The following TMEM26 variants were observed in gnomAD, a reference collection of about 807,000 sequenced individuals.
TMEM26 encodes the protein transmembrane protein 26.
Under a neutral mutation model 28.8 loss-of-function variants are expected in TMEM26, and 38 were observed. That is an observed-to-expected ratio of 1.32 (90% CI 1.02 to 1.73). TMEM26 has a LOEUF of 1.73. Ranked by LOEUF, TMEM26 falls within the 40% of genes most tolerant of loss-of-function variation. TMEM26 has a pLI of 0.00. For synonymous variants in TMEM26, 227 were observed against 182.9 expected (o/e 1.24, Z -1.95); for missense variants, 518 against 447.1 (o/e 1.16, Z -1.43).
At chr10:61,415,630 G>A (rs1246005652) in intron 4 of TMEM26, among the ~76,000 whole-genome samples, 1 of 152,014 alleles carries the variant, frequency 6.6e-6, no homozygotes, top group African/African-American at 2.4e-5. Flanking sequence ...GTTGAGAGCA[G>A]AAATCAAAAC....
chr10:61,436,113 A>C, intron 2 of TMEM26, 57 bp downstream of exon 2: 1 of 1,104,738 alleles, frequency 9.1e-7, no homozygotes, highest in Non-Finnish European at 1.4e-6. Flanking sequence ...ACTGGATCAT[A>C]CTGTGAAAGT....
At chr10:61,428,777 G>T in intron 4 of TMEM26, 149 bp downstream of exon 4, 1 of 672,548 alleles carries the variant, frequency 1.5e-6, no homozygotes, top group Non-Finnish European at 2.5e-6. Flanking sequence ...TTTCTAATAC[G>T]TAAACAGCAG....
rs1301625705 is a variant in TMEM26, at chr10:61,410,286, G to A, written c.*36C>T. On this transcript the variant is annotated 3_prime_UTR_variant, in exon 6 of 6. Transcript: ENST00000399298. ...TCCTCCCTGTAAGAAGAACCAGGGA[G>A]TCAGGTTCTAGCCGCAGACCACTGT... 6.4e-7 allele frequency: 1 copy of A among 1,559,728 alleles called. No individual in the cohort carries two copies. The highest frequency in any genetic ancestry group is 8.7e-7 in the Non-Finnish European group (1 of 1,151,212).
At chr10:61,429,514 C>T (rs1839887601) in intron 3 of TMEM26, among the ~76,000 whole-genome samples, 1 of 151,556 alleles carries the variant, frequency 6.6e-6, no homozygotes, top group South Asian at 2.1e-4. Flanking sequence ...ATTAATATCA[C>T]AAAAACTTCC....
chr10:61,436,809 C>T (rs970131674), intron 1 of TMEM26, among the ~76,000 whole-genome samples: 21 of 152,142 alleles, frequency 1.4e-4, no homozygotes, highest in East Asian at 9.6e-4. Flanking sequence ...CAACAACCAA[C>T]GGTGTAAGCC....
intron 1 of TMEM26, among the ~76,000 whole-genome samples, chr10:61,445,686 A>G (rs12572972): frequency 8.0e-6 from 1 of 125,376 alleles, no homozygotes; most frequent in African/African-American, 4.4e-5. Context: ...ATTTTTTTTT[A>G]AAAAAAAGGA....
intron 5 of TMEM26, 120 bp downstream of exon 5, chr10:61,413,339 C>G: frequency 6.9e-7 from 1 of 1,457,520 alleles, no homozygotes; most frequent in Non-Finnish European, 9.1e-7. Flanking sequence ...CTAAGCTGAA[C>G]TAGAACTAAT....
chr10:61,448,425 G>A (rs117467746), intron 1 of TMEM26, among the ~76,000 whole-genome samples: 159 of 152,258 alleles, frequency 1.0e-3, no homozygotes, highest in Non-Finnish European at 2.0e-3. Flanking sequence ...ATCTAAAAAC[G>A]GGAGAAAACA....
At chr10:61,415,506 A>G (rs1839637196) in intron 4 of TMEM26, among the ~76,000 whole-genome samples, 1 of 152,052 alleles carries the variant, frequency 6.6e-6, no homozygotes, top group Non-Finnish European at 1.5e-5. Flanking sequence ...TAACTCTATG[A>G]TCACACTTAA....
At chr10:61,433,640 C>A (rs1344171288) in intron 2 of TMEM26, among the ~76,000 whole-genome samples, 5 of 152,212 alleles carry the variant, frequency 3.3e-5, no homozygotes, top group Middle Eastern at 3.4e-3. Context: ...AATTAGTTAT[C>A]TAGGAGAAAT....
intron 4 of TMEM26, among the ~76,000 whole-genome samples, chr10:61,422,005 G>T (rs1326364661): frequency 6.6e-6 from 1 of 151,942 alleles, no homozygotes; most frequent in African/African-American, 2.4e-5. Context: ...TAAGAAAGCT[G>T]GAGTGCCTAT....
chr10:61,444,769 G>A (rs1029558340), intron 1 of TMEM26, among the ~76,000 whole-genome samples: 4 of 151,500 alleles, frequency 2.6e-5, no homozygotes, highest in Non-Finnish European at 5.9e-5. Flanking sequence ...TAACAAATAA[G>A]TTGATGGAGT....
chr10:61,419,844 T>G (rs1177834114), intron 4 of TMEM26, among the ~76,000 whole-genome samples: 2 of 151,788 alleles, frequency 1.3e-5, no homozygotes, highest in South Asian at 4.2e-4. Context: ...AGCCCTAGAA[T>G]AAGTAAAAGC....
At chr10:61,427,506 A>G (rs1349615586) in intron 4 of TMEM26, among the ~76,000 whole-genome samples, 1 of 152,076 alleles carries the variant, frequency 6.6e-6, no homozygotes, top group Non-Finnish European at 1.5e-5. Context: ...TTTGCTGGGC[A>G]ATTCTACTTT....
intron 3 of TMEM26, 68 bp downstream of exon 3, chr10:61,431,151 G>A (rs1415611307): frequency 8.0e-7 from 1 of 1,246,096 alleles, no homozygotes; most frequent in Non-Finnish European, 1.2e-6. Flanking sequence ...ATGTATAGCA[G>A]GTAATTGAGG....
intron 1 of TMEM26, among the ~76,000 whole-genome samples, chr10:61,446,615 T>C (rs761048373): frequency 3.3e-5 from 5 of 151,128 alleles, no homozygotes; most frequent in African/African-American, 4.9e-5. Flanking sequence ...GGTCAGGAGA[T>C]TGAGACCATC....
In TMEM26 at chr10:61,436,093, C is replaced by G. The variant is rs993299190; in HGVS notation, c.270+77G>C. The G allele has an allele frequency of 8.6e-6, 8 of 926,514 alleles. 1 individual carries two copies. In the South Asian group the frequency reaches 1.4e-4, roughly 16 times the overall value. 57.4% of individuals were successfully genotyped at this position (926,514 alleles called of 1,614,324 possible). A position where few individuals can be genotyped will look rare whatever the true frequency, so the allele number is the denominator to read the frequency against. On this transcript the variant is annotated intron_variant, in intron 2 of 5. Transcript: ENST00000399298. ...CTCCAGTACCTTAGAAAAGTGCATT[C>G]CGAAAATAAACTGGATCATACTGTG...
At chr10:61,414,965 G>A in intron 4 of TMEM26, 1 of 983,672 alleles carries the variant, frequency 1.0e-6, no homozygotes, top group Non-Finnish European at 1.2e-6. Context: ...CTGTGTAAAT[G>A]GCTCCCCACA....
At position 61,452,990 on chromosome 10, in the gene TMEM26, T is replaced by C; in HGVS notation, c.92A>G (p.Lys31Arg). The change falls in exon 1 of 6, where the codon AAG becomes AGG. Residue 31 changes from lysine (K) to arginine (R), a missense_variant. Coordinates refer to ENST00000399298, the MANE Select transcript of TMEM26 (RefSeq NM_178505.8). Reference protein sequence around the residue: ...LVGVWRVTEVKKEPRYWLLAL... With the variant: ...LVGVWRVTEVRKEPRYWLLAL... ...AAGCAGCCAGTACCGCGGCTCCTTC[T>C]TCACCTCGGTCACTCGCCAGACCCC... 6.2e-7 allele frequency: 1 copy of C among 1,613,988 alleles called. No individual in the cohort carries two copies.
Sources: gnomAD v4.1 joint callset for allele counts (sites outside exome capture counted in the v4.1 genomes callset) on GRCh38, gnomAD v4.1.1 for gene constraint, MANE v1.5 for transcripts, NCBI Gene and HGNC (gene_info 2026-07-23, HGNC 2026-07-21) for gene names.